MACROD2: variants seen among roughly 807,000 people sequenced by gnomAD.
The protein encoded by MACROD2 is mono-ADP ribosylhydrolase 2.
MACROD2 carries 36 observed loss-of-function variants against 70.4 expected under a neutral mutation model. That is an observed-to-expected ratio of 0.51 (90% CI 0.39 to 0.68). The LOEUF is 0.68. Among genes scored for constraint, MACROD2 ranks in the 30% least tolerant of loss-of-function variants. The pLI is 0.00. For synonymous variants in MACROD2, 172 were observed against 178.8 expected (o/e 0.96, Z 0.30); for missense variants, 496 against 538.4 (o/e 0.92, Z 0.78).
At chr20:15,975,319 C>T (rs2066290412) in intron 13 of MACROD2, among the ~76,000 whole-genome samples, 1 of 152,060 alleles carries the variant, frequency 6.6e-6, no homozygotes, top group African/African-American at 2.4e-5. Context: ...TCCTCATCAG[C>T]AATTTTGGGA....
intron 5 of MACROD2, among the ~76,000 whole-genome samples, chr20:14,745,013 T>C (rs2071781665): frequency 6.6e-6 from 1 of 152,170 alleles, no homozygotes; most frequent in Non-Finnish European, 1.5e-5. Flanking sequence ...AAGGTGCATT[T>C]CAGACATGAC....
At chr20:14,593,728 C>A (rs992314007) in intron 4 of MACROD2, among the ~76,000 whole-genome samples, 14 of 152,180 alleles carry the variant, frequency 9.2e-5, no homozygotes, top group African/African-American at 3.4e-4. Context: ...TAACCTTTGT[C>A]TTTGTATCCT....
At chr20:15,124,477 G>A (rs1388131419) in intron 5 of MACROD2, among the ~76,000 whole-genome samples, 3 of 151,234 alleles carry the variant, frequency 2.0e-5, no homozygotes, top group African/African-American at 7.3e-5. Context: ...ATAGATTAAG[G>A]GAAACTATAT....
intron 3 of MACROD2, among the ~76,000 whole-genome samples, chr20:14,234,678 A>C (rs917221004): frequency 6.6e-6 from 1 of 152,098 alleles, no homozygotes; most frequent in African/African-American, 2.4e-5. Context: ...TCTTTTGCCA[A>C]TAGCCCACCT....
chr20:15,372,427 C>T (rs576229377), intron 6 of MACROD2, among the ~76,000 whole-genome samples: 3 of 152,290 alleles, frequency 2.0e-5, no homozygotes, highest in East Asian at 3.9e-4. Context: ...TATAAAAGAG[C>T]ATCTCACTGC....
At chr20:15,750,181 G>A (rs1164962458) in intron 8 of MACROD2, among the ~76,000 whole-genome samples, 4 of 151,860 alleles carry the variant, frequency 2.6e-5, no homozygotes, top group African/African-American at 9.7e-5. Context: ...ATTAAAAGTG[G>A]GCAAAAGACG....
intron 7 of MACROD2, among the ~76,000 whole-genome samples, chr20:15,439,130 C>T (rs796186893): frequency 4.6e-5 from 7 of 152,280 alleles, no homozygotes; most frequent in African/African-American, 1.7e-4. Flanking sequence ...TGGTTTATTA[C>T]AGCCCATGGA....
chr20:15,786,081 C>T (rs941849125), intron 8 of MACROD2, among the ~76,000 whole-genome samples: 1 of 150,506 alleles, frequency 6.6e-6, no homozygotes, highest in East Asian at 1.9e-4. Context: ...AGTTAAGCCC[C>T]GTTAAAAATA....
chr20:15,012,740 G>T (rs568800769), intron 5 of MACROD2, among the ~76,000 whole-genome samples: 3 of 152,090 alleles, frequency 2.0e-5, no homozygotes, highest in African/African-American at 7.2e-5. Flanking sequence ...CCCATTTCCC[G>T]GTCTCCGGTT....
chr20:16,027,403 G>C (rs887830284), intron 15 of MACROD2, among the ~76,000 whole-genome samples: 3 of 152,214 alleles, frequency 2.0e-5, no homozygotes, highest in Non-Finnish European at 2.9e-5. Context: ...AACAGGACAA[G>C]ATATAGCGCA....
intron 6 of MACROD2, among the ~76,000 whole-genome samples, chr20:15,270,727 C>T (rs1186211433): frequency 6.6e-6 from 1 of 152,158 alleles, no homozygotes; most frequent in Non-Finnish European, 1.5e-5. Flanking sequence ...CGTGCTTGAT[C>T]TTTATGTACT....
intron 15 of MACROD2, among the ~76,000 whole-genome samples, chr20:16,030,452 A>C (rs1257521660): frequency 6.6e-6 from 1 of 152,188 alleles, no homozygotes; most frequent in African/African-American, 2.4e-5. Flanking sequence ...GCACACTGAA[A>C]CCTTGACTGA....
intron 5 of MACROD2, among the ~76,000 whole-genome samples, chr20:14,859,005 C>A (rs2073285440): frequency 6.6e-6 from 1 of 151,994 alleles, no homozygotes; most frequent in South Asian, 2.1e-4. Flanking sequence ...CCATGCAGTG[C>A]CATCTAATAG....
intron 3 of MACROD2, among the ~76,000 whole-genome samples, chr20:14,469,345 C>G (rs1600272468): frequency 2.6e-5 from 4 of 152,210 alleles, no homozygotes. Context: ...ACCTTTCTCT[C>G]TGGATGCCCT....
In MACROD2 at chr20:15,873,518, A is replaced by G. The variant is rs146066243; in HGVS notation, c.727+10692A>G. Among the ~76,000 whole-genome samples the G allele has an allele frequency of 3.7e-3, 569 of 152,236 alleles. 2 individuals are homozygous for G. Among genetic ancestry groups the G allele is most frequent in the African/African-American group, 0.013 (543 of 41,550 alleles). On this transcript the variant is annotated intron_variant, in intron 9 of 17. Coordinates refer to ENST00000684519, the MANE Select transcript of MACROD2 (RefSeq NM_001351661.2). ...CATAACCCTTGTACATTTTTATTTC[A>G]TCTTTTTCTTATTGATTTATAAGAA...
chr20:14,487,149 T>C (rs1384029362), intron 3 of MACROD2, among the ~76,000 whole-genome samples: 6 of 152,206 alleles, frequency 3.9e-5, no homozygotes, highest in Admixed American at 3.9e-4. Context: ...AGTGGAGGTT[T>C]TCTGTTAAGT....
intron 3 of MACROD2, among the ~76,000 whole-genome samples, chr20:14,391,778 T>G (rs7265562): frequency 6.8e-6 from 1 of 146,158 alleles, no homozygotes; most frequent in Non-Finnish European, 1.5e-5. Flanking sequence ...TGGGTACTTA[T>G]GGACATAAAG....
At chr20:14,936,035 G>C (rs1045914822) in intron 5 of MACROD2, among the ~76,000 whole-genome samples, 1 of 152,148 alleles carries the variant, frequency 6.6e-6, no homozygotes, top group African/African-American at 2.4e-5. Context: ...GTACAAGACA[G>C]CTGAGGTCTT....
chr20:15,126,512 A>G (rs1383282525), intron 5 of MACROD2, among the ~76,000 whole-genome samples: 1 of 152,116 alleles, frequency 6.6e-6, no homozygotes, highest in Non-Finnish European at 1.5e-5. Flanking sequence ...CAAAATTATT[A>G]AAATCTTGCA....
Sources: allele counts gnomAD v4.1 joint callset (sites outside exome capture counted in the v4.1 genomes callset), GRCh38; gene constraint gnomAD v4.1.1; transcripts MANE v1.5; gene names NCBI Gene and HGNC (gene_info 2026-07-23, HGNC 2026-07-21).